The following ATM variants were observed in gnomAD, a reference collection of about 807,000 sequenced individuals.
The protein encoded by ATM is serine-protein kinase ATM.
In ATM, 308 loss-of-function variants were observed where a neutral mutation model predicts 387.0. The observed-to-expected ratio is 0.80, with a 90% CI of 0.73 to 0.87. The LOEUF (loss-of-function observed/expected upper bound fraction) is 0.87, where lower values mean the gene tolerates loss of function less well. Among genes scored for constraint, ATM ranks in the 40% least tolerant of loss-of-function variants. The pLI is 0.00. For missense variants in ATM, 3,312 were observed against 3,560.9 expected, an observed-to-expected ratio of 0.93 and a Z score of 1.78; for synonymous variants, 1,156 against 1,187.3, an observed-to-expected ratio of 0.97 and a Z score of 0.54.
rs4987936 is a variant in ATM at position 108,249,202 on chromosome 11, A to T, written c.1235+100A>T. Reference sequence around the variant, plus strand: ...AATCCTTTCATCTCAACCAGAACTAAGTCATTTGTCTACCCCCAAACCTAT... The same window carrying T: ...AATCCTTTCATCTCAACCAGAACTATGTCATTTGTCTACCCCCAAACCTAT... On this transcript the variant is annotated intron_variant, in intron 9 of 62. Coordinates refer to ENST00000675843, the MANE Select transcript of ATM (RefSeq NM_000051.4). 38 of 1,375,582 alleles carry T rather than the reference A, an allele frequency of 2.8e-5. No homozygotes were observed. In the Admixed American group the frequency reaches 4.6e-4, roughly 17 times the overall value. 85.2% of individuals were successfully genotyped at this position (1,375,582 alleles called of 1,614,324 possible).
At chr11:108,239,167 C>A (rs1430627597) in intron 5 of ATM, among the ~76,000 whole-genome samples, 1 of 152,112 alleles carries the variant, frequency 6.6e-6, no homozygotes, top group African/African-American at 2.4e-5. Flanking sequence ...GATTAATGCC[C>A]TTATGAAAAG....
rs1217692872 is a variant in ATM, at chr11:108,365,514, A to G, written c.*6A>G. On this transcript the variant is annotated 3_prime_UTR_variant, in exon 63 of 63. Transcript: ENST00000675843. ...GATGGAAAGCTTGGGTGTGATCTTC[A>G]GTATATGAATTACCCTTTCATTCAG... 1 of 1,613,936 alleles carries G rather than the reference A, an allele frequency of 6.2e-7. No individual in the cohort carries two copies. The highest frequency in any genetic ancestry group is 8.5e-7 in the Non-Finnish European group (1 of 1,179,888).
intron 46 of ATM, 134 bp from the exon 47 acceptor site, chr11:108,325,924 A>G: frequency 1.9e-6 from 2 of 1,067,672 alleles, no homozygotes; most frequent in Non-Finnish European, 2.8e-6. Flanking sequence ...GCAGACAGAG[A>G]GGTCCTTAAG....
Position 108,282,796 on chromosome 11 carries a change from G to A in ATM, c.3663G>A (p.Trp1221Ter), listed in dbSNP as rs864622490. 3.1e-6 allele frequency: 5 copies of A among 1,589,890 alleles called. No individual in the cohort carries two copies. The highest frequency in any genetic ancestry group is 1.7e-5 in the Admixed American group (1 of 59,906). ...ATTTAGATTATCTGGTTTTGGAATGGCTAAATCTTCAAGATACTGAATACA... is the reference window on the plus strand; with the variant it reads ...ATTTAGATTATCTGGTTTTGGAATGACTAAATCTTCAAGATACTGAATACA... ...ASHLDYLVLE[W>*]LNLQDTEYNL... The change falls in exon 25 of 63, where the codon TGG (tryptophan) becomes TGA (stop). Residue 1221 changes from tryptophan to a stop codon, truncating the protein, a stop_gained. Transcript: ENST00000675843. LOFTEE classifies it high-confidence loss of function.
At chr11:108,337,111 C>T (rs1270985395) in intron 56 of ATM, among the ~76,000 whole-genome samples, 2 of 152,124 alleles carry the variant, frequency 1.3e-5, no homozygotes, top group Admixed American at 6.5e-5. Flanking sequence ...TAGATCTACC[C>T]TCCAAAATGC....
intron 61 of ATM, among the ~76,000 whole-genome samples, chr11:108,359,051 ATC>A (rs2090386905): frequency 6.7e-6 from 1 of 149,692 alleles, no homozygotes; most frequent in African/African-American, 2.4e-5. Flanking sequence ...CAGGAAACCC[ATC>A]TCACGTGCAG....
Position 108,247,015 on chromosome 11 carries a change from T to G in ATM, c.953T>G (p.Leu318Arg). The G allele has an allele frequency of 6.2e-7, 1 of 1,613,202 alleles. No individual in the cohort carries two copies. The highest frequency in any genetic ancestry group is 8.5e-7 in the Non-Finnish European group (1 of 1,179,322). Residue 318 changes from leucine to arginine, a missense_variant, in exon 8 of 63, where the codon CTG becomes CGG. Physicochemically the swap from Leu to Arg is moderately radical, Grantham distance 102. Around this residue, in one of 4 missense-constraint regions of ATM, gnomAD observed 1,791 missense variants for 1,804.5 expected, o/e 0.99. Transcript: ENST00000675843. The part of the protein sequence containing the change: ...WRSILYNLYD[L>R]LVNEISHIGS... ...AGTATTTTATACAACTTATATGATC[T>G]GCTAGTGAATGAGATAAGTCATATA...
rs778031266 is a variant in ATM at position 108,316,114 on chromosome 11, G to A, written c.6198+1G>A. 3.1e-6 allele frequency: 5 copies of A among 1,613,598 alleles called. No homozygotes were observed. The highest frequency in any genetic ancestry group is 4.2e-6 in the Non-Finnish European group (5 of 1,179,584). ...AACACGCCAGGCAGGAATCATTCAG[G>A]TACATTTTTTCCCAGATTTGGTAAA... is the stretch of plus-strand genomic sequence containing the variant. On this transcript the variant is annotated splice_donor_variant, in intron 42 of 62. Transcript: ENST00000675843. LOFTEE classifies it high-confidence loss of function.
intron 16 of ATM, among the ~76,000 whole-genome samples, chr11:108,265,559 G>T (rs2081180719): frequency 6.7e-6 from 1 of 150,314 alleles, no homozygotes; most frequent in Non-Finnish European, 1.5e-5. Flanking sequence ...TTACCATTCA[G>T]GACATAGGCA....
intron 23 of ATM, 68 bp from the exon 24 acceptor site, chr11:108,280,927 G>C (rs1188895350): frequency 4.2e-6 from 6 of 1,432,222 alleles, no homozygotes; most frequent in Non-Finnish European, 5.8e-6. Context: ...GAGTTCAGTT[G>C]GGATTTTATA....
rs181213654 is a variant in ATM at position 108,358,045 on chromosome 11, G to A, written c.8850+3171G>A. Among the ~76,000 whole-genome samples the A allele has an allele frequency of 1.4e-4, 20 of 144,294 alleles. 1 individual carries two copies. Among genetic ancestry groups the A allele is most frequent in the East Asian group, 1.4e-3 (7 of 5,100 alleles). The allele number at this position is 144,294 out of a possible 152,430, so 94.7% of individuals were successfully genotyped here. On this transcript the variant is annotated intron_variant, in intron 61 of 62. Coordinates refer to ENST00000675843, the MANE Select transcript of ATM (RefSeq NM_000051.4). Reference sequence around the variant, plus strand: ...CAAAGGCAAATAAGTTGACAACTTTGAAAAAAATTTAGAAGAATGTATAAC... The same window carrying A: ...CAAAGGCAAATAAGTTGACAACTTTAAAAAAAATTTAGAAGAATGTATAAC...
intron 16 of ATM, among the ~76,000 whole-genome samples, chr11:108,259,953 T>C (rs1480116726): frequency 2.6e-5 from 4 of 152,128 alleles, no homozygotes; most frequent in Non-Finnish European, 5.9e-5. Context: ...TGTTATACTT[T>C]ATTTATTTAG....
At chr11:108,252,507 G>A (rs2080209414) in intron 11 of ATM, among the ~76,000 whole-genome samples, 1 of 152,146 alleles carries the variant, frequency 6.6e-6, no homozygotes, top group Non-Finnish European at 1.5e-5. Context: ...GGAACCAAAT[G>A]ATTGGAGAGC....
At chr11:108,339,751 C>CAG (rs2087295787) in intron 56 of ATM, among the ~76,000 whole-genome samples, 1 of 152,072 alleles carries the variant, frequency 6.6e-6, no homozygotes, top group Non-Finnish European at 1.5e-5. Flanking sequence ...CTCCCCGCCC[C>CAG]AGAGCTAGAT....
chr11:108,355,002 AAGG>A, intron 61 of ATM, 128 bp downstream of exon 61: 2 of 816,622 alleles, frequency 2.4e-6, no homozygotes, highest in Non-Finnish European at 4.1e-6. Context: ...GGGCAGCAGA[AAGG>A]AGGAGATTGT....
At chr11:108,270,446 C>T (rs577445809) in intron 18 of ATM, among the ~76,000 whole-genome samples, 50 of 152,152 alleles carry the variant, frequency 3.3e-4, no homozygotes, top group African/African-American at 1.2e-3. Context: ...TAGACTTTTA[C>T]GTTTATTTTC....
chr11:108,283,072 G>C (rs541725076), intron 25 of ATM, among the ~76,000 whole-genome samples, 193 bp downstream of exon 25: 30 of 152,178 alleles, frequency 2.0e-4, no homozygotes, highest in South Asian at 2.1e-4. Flanking sequence ...TTCAGATCTG[G>C]TCCTAGCTGT....
At chr11:108,223,636 A>G (rs1295098240) in intron 1 of ATM, 3 of 152,246 alleles carry the variant, frequency 2.0e-5, no homozygotes, top group African/African-American at 7.2e-5. Flanking sequence ...TAAGTGAGAT[A>G]ATCTTGACCT....
At chr11:108,246,009 G>C (rs1170240106) in intron 7 of ATM, among the ~76,000 whole-genome samples, 1 of 151,776 alleles carries the variant, frequency 6.6e-6, no homozygotes, top group East Asian at 1.9e-4. Flanking sequence ...ATTTTAATAG[G>C]GATGGGGTCT....
Sources: allele counts gnomAD v4.1 joint callset (sites outside exome capture counted in the v4.1 genomes callset), GRCh38; gene constraint gnomAD v4.1.1; regional missense constraint gnomAD v4.1.1; transcripts MANE v1.5; gene names NCBI Gene and HGNC (gene_info 2026-07-23, HGNC 2026-07-21).